Variants in PNOC observed in about 807,000 individuals in gnomAD.
PNOC encodes prepronociceptin, also known as nociceptin.
PNOC carries 10 observed loss-of-function variants against 15.6 expected under a neutral mutation model. The observed-to-expected ratio is 0.64, with a 90% CI of 0.40 to 1.09. PNOC has a LOEUF of 1.09. PNOC is among the 50% of genes least tolerant of loss of function. PNOC has a pLI of 0.01. For missense variants in PNOC, 220 were observed against 223.9 expected (o/e 0.98, Z 0.11); for synonymous variants, 98 against 88.5 (o/e 1.11, Z -0.60).
intron 2 of PNOC, among the ~76,000 whole-genome samples, chr8:28,332,835 C>T (rs1801350507): frequency 6.6e-6 from 1 of 152,150 alleles, no homozygotes; most frequent in African/African-American, 2.4e-5. Context: ...CCTGTAATCC[C>T]AGCTACTCAG....
intron 2 of PNOC, among the ~76,000 whole-genome samples, chr8:28,329,755 C>T (rs1167835748): frequency 6.6e-6 from 1 of 151,806 alleles, no homozygotes; most frequent in African/African-American, 2.4e-5. Flanking sequence ...ATTCAACTAA[C>T]CATGGATAGA....
intron 2 of PNOC, among the ~76,000 whole-genome samples, chr8:28,334,858 C>T (rs916639806): frequency 6.6e-6 from 1 of 152,210 alleles, no homozygotes; most frequent in African/African-American, 2.4e-5. Context: ...GCAGCCCTCC[C>T]TATCTATGGA....
intron 1 of PNOC, among the ~76,000 whole-genome samples, chr8:28,322,176 G>T (rs567752285): frequency 2.6e-5 from 4 of 151,760 alleles, no homozygotes; most frequent in Non-Finnish European, 5.9e-5. Flanking sequence ...ATCATTCGAG[G>T]TCAGGAGTTT....
intron 2 of PNOC, among the ~76,000 whole-genome samples, chr8:28,330,362 C>CTTTATTTTATTTTATTTTAT (rs71549653): frequency 0.035 from 3,716 of 107,578 alleles, 263 homozygotes; most frequent in Non-Finnish European, 0.048. Context: ...GGTATGTGCC[C>CTTTATTTTATTTTATTTTAT]TTTATTTTAT....
intron 2 of PNOC, among the ~76,000 whole-genome samples, chr8:28,329,635 C>T (rs891768146): frequency 2.0e-5 from 3 of 152,172 alleles, no homozygotes; most frequent in African/African-American, 7.2e-5. Context: ...AAGAATCCTA[C>T]TTTTTTTCAC....
chr8:28,324,036 G>A (rs1469951123), intron 1 of PNOC, among the ~76,000 whole-genome samples: 1 of 152,178 alleles, frequency 6.6e-6, no homozygotes, highest in African/African-American at 2.4e-5. Flanking sequence ...AAAAGTGAGG[G>A]GAGACAGAGA....
intron 2 of PNOC, among the ~76,000 whole-genome samples, chr8:28,332,243 G>A (rs185036902): frequency 1.1e-4 from 17 of 152,254 alleles, no homozygotes; most frequent in Middle Eastern, 3.4e-3. Context: ...TTAATGAAAT[G>A]CCTAGAATGT....
At position 28,343,281 on chromosome 8, in the gene PNOC, G is replaced by A. The variant is rs542513553; in HGVS notation, c.*387G>A. The A allele has an allele frequency of 6.5e-6, 1 of 152,792 alleles. No homozygotes were observed. The highest frequency in any genetic ancestry group is 1.9e-4 in the East Asian group (1 of 5,184). The allele number at this position is 152,792 out of a possible 1,614,324, so 9.5% of individuals were successfully genotyped here. A position where few individuals can be genotyped will look rare whatever the true frequency, so the allele number is the denominator to read the frequency against. The stretch of plus-strand genomic sequence containing the variant: ...CCACTGCCATAACTTGTTTGTAAAA[G>A]AGCTGTTCTTTTTGACTGATTGTTT... On this transcript the variant is annotated 3_prime_UTR_variant, in exon 4 of 4. Transcript: ENST00000301908.
At chr8:28,321,318 A>G (rs1404272359) in intron 1 of PNOC, among the ~76,000 whole-genome samples, 1 of 148,420 alleles carries the variant, frequency 6.7e-6, no homozygotes, top group Middle Eastern at 3.3e-3. Context: ...GTTGCATGCC[A>G]ATACACCCAG....
intron 1 of PNOC, among the ~76,000 whole-genome samples, chr8:28,325,669 AAAG>A (rs1332177872): frequency 3.5e-5 from 4 of 115,254 alleles, no homozygotes; most frequent in Admixed American, 9.2e-5. Context: ...AAAAAAAGAA[AAAG>A]AAAAAAAAAA....
Position 28,343,047 on chromosome 8 carries a change from G to T in PNOC, c.*153G>T. On this transcript the variant is annotated 3_prime_UTR_variant, in exon 4 of 4. Transcript: ENST00000301908. ...CACTGAGCGCCTGCAGATCCCGCAG[G>T]CTTCGTTTGCCTCCAGAACCTTCCC... is the stretch of plus-strand genomic sequence containing the variant. The T allele has an allele frequency of 2.1e-6, 2 of 969,882 alleles. No homozygotes were observed. The highest frequency in any genetic ancestry group is 2.5e-6 in the Non-Finnish European group (2 of 815,610). The allele number at this position is 969,882 out of a possible 1,614,324, so 60.1% of individuals were successfully genotyped here. A position where few individuals can be genotyped will look rare whatever the true frequency, so the allele number is the denominator to read the frequency against.
intron 1 of PNOC, among the ~76,000 whole-genome samples, chr8:28,317,701 G>A (rs1801081943): frequency 6.6e-6 from 1 of 152,100 alleles, no homozygotes; most frequent in Non-Finnish European, 1.5e-5. Flanking sequence ...TCCACGGGGC[G>A]GCCCCCAGGA....
chr8:28,320,687 A>G (rs1205273669), intron 1 of PNOC, among the ~76,000 whole-genome samples: 5 of 151,896 alleles, frequency 3.3e-5, no homozygotes, highest in Non-Finnish European at 7.4e-5. Context: ...CGTCTCTACT[A>G]AAAATACAAA....
chr8:28,338,236 G>C (rs1308062013), intron 2 of PNOC, among the ~76,000 whole-genome samples: 1 of 152,152 alleles, frequency 6.6e-6, no homozygotes. Flanking sequence ...TCAGAACCAA[G>C]AACGTGGGAG....
rs1404999707 is a variant in PNOC at position 28,339,398 on chromosome 8, A to C, written c.485A>C (p.Gln162Pro). 1 of 1,560,262 alleles carries C rather than the reference A, an allele frequency of 6.4e-7. No individual in the cohort carries two copies. Among genetic ancestry groups the C allele is most frequent in the Admixed American group, 1.8e-5 (1 of 55,188 alleles). ...AGGCAATACTTGGTCCTGAGCATGC[A>C]GTCCAGCCAGCGCCGGCGCACCCTG... ...FMRQYLVLSM[Q>P]SSQRRRTLHQ... Residue 162 changes from glutamine to proline, a missense_variant, in exon 3 of 4, where the codon CAG becomes CCG. Gln to Pro is a moderately conservative substitution (Grantham distance 76). Coordinates refer to ENST00000301908, the MANE Select transcript of PNOC (RefSeq NM_006228.5).
At chr8:28,337,066 A>T (rs1293765569) in intron 2 of PNOC, among the ~76,000 whole-genome samples, 1 of 152,154 alleles carries the variant, frequency 6.6e-6, no homozygotes, top group African/African-American at 2.4e-5. Flanking sequence ...AAGGAGTGAG[A>T]AGGGAACAGC....
intron 2 of PNOC, among the ~76,000 whole-genome samples, chr8:28,330,396 A>ATTTTTTTTTTTT (rs67554549): frequency 1.6e-4 from 13 of 80,452 alleles, no homozygotes; most frequent in African/African-American, 5.1e-4. Context: ...ATTTTATTTT[A>ATTTTTTTTTTTT]TTTTTTTTTT....
At chr8:28,323,657 C>T (rs1273182706) in intron 1 of PNOC, among the ~76,000 whole-genome samples, 8 of 152,188 alleles carry the variant, frequency 5.3e-5, no homozygotes, top group Non-Finnish European at 1.0e-4. Flanking sequence ...AAATACAACT[C>T]GTGAATTAAC....
At chr8:28,332,319 G>T (rs1292654421) in intron 2 of PNOC, among the ~76,000 whole-genome samples, 1 of 152,078 alleles carries the variant, frequency 6.6e-6, no homozygotes, top group East Asian at 1.9e-4. Flanking sequence ...ATGATCAGGG[G>T]ACTCATATTT....
Sources: allele counts gnomAD v4.1 joint callset (sites outside exome capture counted in the v4.1 genomes callset), GRCh38; gene constraint gnomAD v4.1.1; transcripts MANE v1.5; gene names NCBI Gene and HGNC (gene_info 2026-07-23, HGNC 2026-07-21).